The following HAPSTR1 variants were observed in gnomAD, a reference collection of about 807,000 sequenced individuals.
HAPSTR1 encodes HUWE1-associated protein modifying stress responses 1.
At chr16:9,099,395 G>A in the HAPSTR1 span, among the ~76,000 whole-genome samples, 2 of 152,174 alleles carry the variant, frequency 1.3e-5, no homozygotes, top group African/African-American at 2.4e-5. Context: ...GTTTCACCAT[G>A]TTGGCCACGC....
chr16:9,093,090 C>G, the HAPSTR1 span: 9 of 1,266,590 alleles, frequency 7.1e-6, no homozygotes, highest in Non-Finnish European at 2.2e-6. Context: ...TTTTCTGCTC[C>G]CCAGCCCAGC....
At chr16:9,099,426 C>G in the HAPSTR1 span, among the ~76,000 whole-genome samples, 1 of 152,162 alleles carries the variant, frequency 6.6e-6, no homozygotes, top group Non-Finnish European at 1.5e-5. Context: ...CTCCTGGCTT[C>G]AAGTGATCCA....
chr16:9,114,691 C>T, the HAPSTR1 span, among the ~76,000 whole-genome samples: 3 of 152,106 alleles, frequency 2.0e-5, no homozygotes, highest in Non-Finnish European at 4.4e-5. Flanking sequence ...CCTGAAGCCA[C>T]CTTTTTGCTA....
the HAPSTR1 span, chr16:9,117,126 A>G: frequency 1.6e-6 from 1 of 644,966 alleles, no homozygotes; most frequent in Non-Finnish European, 2.6e-6. Context: ...CTAGCAGAGG[A>G]CATCAGATAT....
At chr16:9,093,992 G>A in the HAPSTR1 span, among the ~76,000 whole-genome samples, 1 of 152,036 alleles carries the variant, frequency 6.6e-6, no homozygotes, top group East Asian at 1.9e-4. Context: ...TGGTATTTTT[G>A]CCATATATAT....
chr16:9,120,039 A>G, the HAPSTR1 span: 1 of 152,232 alleles, frequency 6.6e-6, no homozygotes, highest in South Asian at 2.1e-4. Context: ...TGGCCTGGCT[A>G]CTACCTCTAG....
At chr16:9,096,703 C>T in the HAPSTR1 span, among the ~76,000 whole-genome samples, 1 of 152,258 alleles carries the variant, frequency 6.6e-6, no homozygotes, top group African/African-American at 2.4e-5. Context: ...GTTCAAAATA[C>T]CTTAGTGTGG....
the HAPSTR1 span, among the ~76,000 whole-genome samples, chr16:9,116,317 T>C: frequency 2.0e-5 from 3 of 152,200 alleles, no homozygotes; most frequent in African/African-American, 7.2e-5. Context: ...AAATGTCTTG[T>C]CTTTAAAGCA....
At chr16:9,105,676 C>G in the HAPSTR1 span, 1 of 152,176 alleles carries the variant, frequency 6.6e-6, no homozygotes, top group East Asian at 1.9e-4. Context: ...TACAATGTCA[C>G]AATTCACTCT....
chr16:9,096,220 G>A, the HAPSTR1 span, among the ~76,000 whole-genome samples: 4 of 152,156 alleles, frequency 2.6e-5, no homozygotes, highest in Non-Finnish European at 5.9e-5. Context: ...TTTGTGCCTG[G>A]CATAGTGAGT....
At chr16:9,108,230 C>G in the HAPSTR1 span, 5 of 152,046 alleles carry the variant, frequency 3.3e-5, no homozygotes, top group Non-Finnish European at 5.9e-5. Flanking sequence ...ATGAAGAAAG[C>G]CTTACTTGGC....
At chr16:9,093,191 C>A in the HAPSTR1 span, among the ~76,000 whole-genome samples, 1 of 152,154 alleles carries the variant, frequency 6.6e-6, no homozygotes, top group Non-Finnish European at 1.5e-5. Context: ...CTCCGCCCCC[C>A]GGGACAGATG....
At chr16:9,106,759 G>T in the HAPSTR1 span, 1 of 152,012 alleles carries the variant, frequency 6.6e-6, no homozygotes, top group Non-Finnish European at 1.5e-5. Flanking sequence ...ACATGCATGT[G>T]CTAAATTGAT....
chr16:9,112,803 A>G, the HAPSTR1 span: 5 of 152,154 alleles, frequency 3.3e-5, no homozygotes, highest in African/African-American at 9.7e-5. Flanking sequence ...AACCATCCTC[A>G]TCTTTTCTAC....
the HAPSTR1 span, among the ~76,000 whole-genome samples, chr16:9,101,231 C>G: frequency 6.6e-6 from 1 of 152,176 alleles, no homozygotes; most frequent in South Asian, 2.1e-4. Flanking sequence ...TCATCTAAAT[C>G]TTTTCCTAAA....
At chr16:9,105,807 A>G in the HAPSTR1 span, 3 of 152,242 alleles carry the variant, frequency 2.0e-5, no homozygotes, top group African/African-American at 4.8e-5. Context: ...GACATGGGAA[A>G]AGAATCTGGT....
At chr16:9,103,363 T>C in the HAPSTR1 span, 9 of 1,205,708 alleles carry the variant, frequency 7.5e-6, no homozygotes, top group Non-Finnish European at 1.0e-5. Flanking sequence ...TTTTTTGTCT[T>C]ACAGTAAACA....
the HAPSTR1 span, among the ~76,000 whole-genome samples, chr16:9,093,185 G>GC: frequency 3.9e-5 from 6 of 151,962 alleles, no homozygotes; most frequent in South Asian, 2.1e-4. Context: ...ACCTCCCTCC[G>GC]CCCCCCGGGA....
the HAPSTR1 span, among the ~76,000 whole-genome samples, chr16:9,093,867 T>C: frequency 6.6e-6 from 1 of 151,806 alleles, no homozygotes; most frequent in Non-Finnish European, 1.5e-5. Flanking sequence ...AAGATTTTTA[T>C]GGAAAAAGGA....
Sources: gnomAD v4.1 joint callset for allele counts (sites outside exome capture counted in the v4.1 genomes callset) on GRCh38, gnomAD v4.1.1 for gene constraint, MANE v1.5 for transcripts, NCBI Gene and HGNC (gene_info 2026-07-23, HGNC 2026-07-21) for gene names.